The following GHR variants were observed in gnomAD, a reference collection of about 807,000 sequenced individuals.
The protein encoded by GHR is growth hormone receptor.
A neutral mutation model predicts 67.1 loss-of-function variants in GHR; 35 were observed. The ratio of observed to expected loss-of-function variants is 0.52; its 90% CI spans 0.40 to 0.69. The LOEUF (loss-of-function observed/expected upper bound fraction) is 0.69. Among genes scored for constraint, GHR ranks in the 30% least tolerant of loss-of-function variants. GHR has a pLI of 0.00. For missense variants in GHR, 792 were observed against 764.6 expected, an observed-to-expected ratio of 1.04 and a Z score of -0.42; for synonymous variants, 272 against 269.1, an observed-to-expected ratio of 1.01 and a Z score of -0.10.
chr5:42,605,444 C>G (rs780543887), intron 2 of GHR, among the ~76,000 whole-genome samples: 2 of 151,968 alleles, frequency 1.3e-5, no homozygotes, highest in Admixed American at 1.3e-4. Flanking sequence ...TTCAAACCAC[C>G]AGTTTTGTTC....
intron 1 of GHR, among the ~76,000 whole-genome samples, chr5:42,505,122 G>GTTTT (rs35690685): frequency 8.9e-5 from 12 of 134,858 alleles, no homozygotes; most frequent in East Asian, 6.9e-4. Context: ...GCTGTTGACT[G>GTTTT]TTTTTTTTTT....
At chr5:42,662,852 C>G (rs1349539886) in intron 3 of GHR, among the ~76,000 whole-genome samples, 1 of 151,928 alleles carries the variant, frequency 6.6e-6, no homozygotes, top group African/African-American at 2.4e-5. Context: ...AATTGATAGA[C>G]CACTAGCAAG....
At chr5:42,513,515 C>T (rs1182989754) in intron 1 of GHR, among the ~76,000 whole-genome samples, 2 of 152,120 alleles carry the variant, frequency 1.3e-5, no homozygotes, top group Non-Finnish European at 2.9e-5. Context: ...GGGCCAGGCG[C>T]GGTACTGTAC....
At chr5:42,682,164 C>T (rs1347994218) in intron 3 of GHR, among the ~76,000 whole-genome samples, 2 of 152,136 alleles carry the variant, frequency 1.3e-5, no homozygotes, top group Non-Finnish European at 2.9e-5. Flanking sequence ...CAAACGATCA[C>T]AAGAGCAGAA....
intron 6 of GHR, among the ~76,000 whole-genome samples, chr5:42,708,542 A>C (rs1758294031): frequency 6.6e-6 from 1 of 152,216 alleles, no homozygotes; most frequent in South Asian, 2.1e-4. Flanking sequence ...TACTGTAAAT[A>C]GTGATAGGTA....
chr5:42,541,043 C>G (rs1748494729), intron 1 of GHR, among the ~76,000 whole-genome samples: 1 of 151,702 alleles, frequency 6.6e-6, no homozygotes, highest in South Asian at 2.1e-4. Context: ...AATTACCCAC[C>G]ATGTTTTACT....
intron 2 of GHR, among the ~76,000 whole-genome samples, chr5:42,621,620 A>G (rs1753451393): frequency 6.6e-6 from 1 of 152,216 alleles, no homozygotes. Flanking sequence ...TGCTATTCTC[A>G]AAATACATTT....
intron 2 of GHR, among the ~76,000 whole-genome samples, chr5:42,591,458 C>T (rs1267076711): frequency 6.6e-6 from 1 of 152,128 alleles, no homozygotes; most frequent in Admixed American, 6.6e-5. Context: ...CTTATAGCTG[C>T]GATTGGAAGG....
intron 2 of GHR, among the ~76,000 whole-genome samples, chr5:42,624,227 T>A (rs1753590744): frequency 6.6e-6 from 1 of 152,140 alleles, no homozygotes; most frequent in Non-Finnish European, 1.5e-5. Flanking sequence ...TAAATGCTGG[T>A]TTGTGAAGAT....
chr5:42,659,324 A>G (rs1300595195), intron 3 of GHR: 1 of 152,136 alleles, frequency 6.6e-6, no homozygotes, highest in African/African-American at 2.4e-5. Flanking sequence ...TACTACCCCT[A>G]CCTACCAAGG....
intron 2 of GHR, among the ~76,000 whole-genome samples, chr5:42,588,526 C>CAAAAAAAAAAAAAAAAAAAAAAAAAAAAA (rs10716908): frequency 2.2e-4 from 10 of 45,120 alleles, no homozygotes; most frequent in African/African-American, 7.9e-4. Flanking sequence ...AACTCCATCT[C>CAAAAAAAAAAAAAAAAAAAAAAAAAAAAA]AAAAAAAAAA....
At position 42,428,039 on chromosome 5, in the gene GHR, A is replaced by C. The variant is rs182672457; in HGVS notation, c.-12+4084A>C. On this transcript the variant is annotated intron_variant, in intron 1 of 9. Transcript: ENST00000230882. ...TCTTAGCTCTACTAGGCAGTGACCC[A>C]CTGGGGACTCTGTGTAGAGGATCCA... Among the ~76,000 whole-genome samples the C allele has an allele frequency of 5.3e-5, 8 of 152,302 alleles. No individual in the cohort carries two copies. In the East Asian group the frequency reaches 1.5e-3, roughly 29 times the overall value.
intron 2 of GHR, among the ~76,000 whole-genome samples, chr5:42,569,275 T>C (rs1029948786): frequency 6.6e-6 from 1 of 152,258 alleles, no homozygotes; most frequent in Non-Finnish European, 1.5e-5. Flanking sequence ...TTCTATTTTA[T>C]GCATTTAACA....
intron 1 of GHR, among the ~76,000 whole-genome samples, chr5:42,545,290 TAAAAGCTGCATTTCCTAG>T (rs898008919): frequency 2.0e-5 from 3 of 152,182 alleles, no homozygotes; most frequent in African/African-American, 7.2e-5. Flanking sequence ...AAAGAATTGC[TAAAAGCTGCATTTCCTAG>T]AAAATGTGGC....
Position 42,572,475 on chromosome 5 carries a change from G to A in GHR, c.70+6531G>A, listed in dbSNP as rs141510490. Among the ~76,000 whole-genome samples, 222 of 152,336 alleles carry A rather than the reference G, an allele frequency of 1.5e-3. 5 individuals are homozygous for A. The East Asian group carries it at 0.015, about 10-fold the overall frequency. On this transcript the variant is annotated intron_variant, in intron 2 of 9. Transcript: ENST00000230882. ...CTGTAGTTAGCAGCATGAAGACGGT[G>A]ATGATGTGTAACATAAACACACTTT...
intron 1 of GHR, among the ~76,000 whole-genome samples, chr5:42,525,867 A>G (rs1015870701): frequency 1.3e-5 from 2 of 152,224 alleles, no homozygotes; most frequent in South Asian, 2.1e-4. Context: ...CCATGTAAGA[A>G]GAGTCTTTTG....
chr5:42,698,057 GTCC>G (rs1757762933), intron 5 of GHR, among the ~76,000 whole-genome samples: 3 of 152,196 alleles, frequency 2.0e-5, no homozygotes, highest in Non-Finnish European at 2.9e-5. Flanking sequence ...GAGGAATTGA[GTCC>G]TCGTTAACAG....
intron 1 of GHR, among the ~76,000 whole-genome samples, chr5:42,544,732 A>T (rs1474403426): frequency 6.6e-6 from 1 of 152,146 alleles, no homozygotes; most frequent in Non-Finnish European, 1.5e-5. Flanking sequence ...AGTTCCATAT[A>T]AGGAAACCGT....
chr5:42,618,184 G>T (rs999958801), intron 2 of GHR, among the ~76,000 whole-genome samples: 2 of 152,046 alleles, frequency 1.3e-5, no homozygotes, highest in African/African-American at 2.4e-5. Context: ...ATCTACATTT[G>T]CTTGCTAGTA....
Sources: allele counts gnomAD v4.1 joint callset (sites outside exome capture counted in the v4.1 genomes callset), GRCh38; gene constraint gnomAD v4.1.1; transcripts MANE v1.5; gene names NCBI Gene and HGNC (gene_info 2026-07-23, HGNC 2026-07-21).